TNRC6B: variants seen among roughly 807,000 people sequenced by gnomAD.
The protein encoded by TNRC6B is trinucleotide repeat-containing gene 6B protein.
TNRC6B carries 52 observed loss-of-function variants against 203.6 expected under a neutral mutation model. The observed-to-expected ratio is 0.26, with a 90% CI of 0.20 to 0.32. The LOEUF is 0.32. Ranked by LOEUF, TNRC6B falls within the 10% of genes least tolerant of loss-of-function variation. TNRC6B has a pLI of 1.00. For missense variants in TNRC6B, 1,923 were observed against 2,286.2 expected, an observed-to-expected ratio of 0.84 and a Z score of 3.24; for synonymous variants, 838 against 845.7, an observed-to-expected ratio of 0.99 and a Z score of 0.16.
rs1042301822 is a variant in TNRC6B at position 40,324,672 on chromosome 22, G to A, written c.*1431G>A. On this transcript the variant is annotated 3_prime_UTR_variant, in exon 23 of 23. Transcript: ENST00000454349. The stretch of plus-strand genomic sequence containing the variant: ...TCACTGACAGAAACGTTTACTTAAC[G>A]AATGTTCTTAAACCAGTGTGTACTT... 3 of 152,742 alleles carry A rather than the reference G, an allele frequency of 2.0e-5. No individual in the cohort carries two copies. Among genetic ancestry groups the A allele is most frequent in the Non-Finnish European group, 1.5e-5 (1 of 68,036 alleles). 9.5% of individuals were successfully genotyped at this position (152,742 alleles called of 1,614,324 possible).
intron 3 of TNRC6B, among the ~76,000 whole-genome samples, chr22:40,129,268 T>C (rs2068520966): frequency 6.6e-6 from 1 of 152,156 alleles, no homozygotes; most frequent in Non-Finnish European, 1.5e-5. Context: ...TCTCCATGCC[T>C]AGGGCAGCCA....
intron 4 of TNRC6B, among the ~76,000 whole-genome samples, chr22:40,157,352 AT>A (rs901187410): frequency 1.2e-4 from 19 of 152,082 alleles, no homozygotes; most frequent in Non-Finnish European, 2.1e-4. Context: ...TCTCATTCAT[AT>A]TTTTTTTCCT....
chr22:40,241,555 AT>A (rs2070029072), intron 1 of TNRC6B, among the ~76,000 whole-genome samples: 1 of 152,200 alleles, frequency 6.6e-6, no homozygotes, highest in African/African-American at 2.4e-5. Context: ...CTTTGATGGT[AT>A]TCAGGTTAAA....
intron 1 of TNRC6B, among the ~76,000 whole-genome samples, chr22:40,183,920 C>T (rs960303275): frequency 2.0e-5 from 3 of 152,160 alleles, no homozygotes; most frequent in African/African-American, 7.2e-5. Flanking sequence ...TGATCTCGAA[C>T]TCCTGACCTT....
At position 40,157,609 on chromosome 22, in the gene TNRC6B, C is replaced by T. The variant is rs540825239; in HGVS notation, c.113+1427C>T. Among the ~76,000 whole-genome samples, 31 of 152,300 alleles carry T rather than the reference C, an allele frequency of 2.0e-4. No individual in the cohort carries two copies. In the East Asian group the frequency reaches 5.2e-3, roughly 26 times the overall value. ...TGCTGTATTCTATCAAATGCACTTACATTTTGCATGGGCTGATGGAATCAA... is the reference window on the plus strand; with the variant it reads ...TGCTGTATTCTATCAAATGCACTTATATTTTGCATGGGCTGATGGAATCAA... On this transcript the variant is annotated intron_variant, in intron 4 of 23. Transcript: ENST00000301923.
intron 3 of TNRC6B, among the ~76,000 whole-genome samples, chr22:40,144,546 G>T (rs944347347): frequency 3.7e-4 from 56 of 151,988 alleles, no homozygotes; most frequent in Non-Finnish European, 8.1e-4. Flanking sequence ...GTGGTGGCGG[G>T]CACCTGTAGT....
chr22:40,197,900 C>T (rs1315349385), intron 1 of TNRC6B, among the ~76,000 whole-genome samples: 1 of 152,060 alleles, frequency 6.6e-6, no homozygotes, highest in African/African-American at 2.4e-5. Context: ...ACATGAGCCA[C>T]CATGCCTGGC....
chr22:40,308,703 A>G, intron 16 of TNRC6B, 54 bp downstream of exon 16: 1 of 1,548,982 alleles, frequency 6.5e-7, no homozygotes, highest in South Asian at 1.2e-5. Context: ...TCTTGATGAA[A>G]CATCTTATAA....
chr22:40,261,192 G>A (rs938850075), intron 3 of TNRC6B, among the ~76,000 whole-genome samples: 1 of 152,104 alleles, frequency 6.6e-6, no homozygotes, highest in Non-Finnish European at 1.5e-5. Context: ...AGGCTGAGGT[G>A]GGAGGATCAC....
chr22:40,248,678 A>G (rs968524139), intron 2 of TNRC6B, among the ~76,000 whole-genome samples: 12 of 152,202 alleles, frequency 7.9e-5, no homozygotes, highest in African/African-American at 2.4e-4. Flanking sequence ...AGTCTCTCCT[A>G]TGTGCCTTCA....
At chr22:40,118,112 T>A (rs1192335754) in intron 2 of TNRC6B, among the ~76,000 whole-genome samples, 4 of 152,178 alleles carry the variant, frequency 2.6e-5, no homozygotes, top group Non-Finnish European at 1.5e-5. Context: ...CAGGGTAGGA[T>A]GATAAATTGA....
In TNRC6B at chr22:40,331,973, A is replaced by G. The variant is rs543103110; in HGVS notation, c.*8732A>G. The G allele has an allele frequency of 2.5e-5, 6 of 236,660 alleles. No homozygotes were observed. Among genetic ancestry groups the G allele is most frequent in the Non-Finnish European group, 3.3e-5 (4 of 122,834 alleles). The allele number at this position is 236,660 out of a possible 1,614,324, so 14.7% of individuals were successfully genotyped here. A position where few individuals can be genotyped will look rare whatever the true frequency, so the allele number is the denominator to read the frequency against. ...GGGGGCCTGCAGTTCCTGTCAACCA[A>G]TGTGGTTCAGGATTCTTGATCCTAG... On this transcript the variant is annotated 3_prime_UTR_variant, in exon 23 of 23. Transcript: ENST00000454349.
At chr22:40,256,714 G>A (rs943423305) in intron 3 of TNRC6B, among the ~76,000 whole-genome samples, 2 of 152,086 alleles carry the variant, frequency 1.3e-5, no homozygotes, top group African/African-American at 4.8e-5. Context: ...TTTACTATCT[G>A]GCCCTTTACA....
At chr22:40,144,599 G>A (rs571541549) in intron 3 of TNRC6B, among the ~76,000 whole-genome samples, 13 of 150,138 alleles carry the variant, frequency 8.7e-5, no homozygotes, top group East Asian at 5.9e-4. Context: ...GGCGTGAACC[G>A]AGGAGGCAGA....
At chr22:40,293,004 G>C (rs1232050165) in intron 12 of TNRC6B, among the ~76,000 whole-genome samples, 1 of 151,866 alleles carries the variant, frequency 6.6e-6, no homozygotes. Flanking sequence ...CTTTTGTTGT[G>C]CTATTTTTAC....
chr22:40,054,486 C>T (rs2067776752), intron 1 of TNRC6B, among the ~76,000 whole-genome samples: 1 of 152,180 alleles, frequency 6.6e-6, no homozygotes, highest in South Asian at 2.1e-4. Flanking sequence ...CCTCTTCAAT[C>T]CTGAGCTCAG....
chr22:40,177,954 GGGAGA>G lies in TNRC6B; in HGVS notation c.-180_-176del. The G allele has an allele frequency of 2.8e-6, 4 of 1,420,524 alleles. No homozygotes were observed. Among genetic ancestry groups the G allele is most frequent in the Non-Finnish European group, 3.7e-6 (4 of 1,092,540 alleles). The allele number at this position is 1,420,524 out of a possible 1,614,324, so 88.0% of individuals were successfully genotyped here. A position where few individuals can be genotyped will look rare whatever the true frequency, so the allele number is the denominator to read the frequency against. ...ACAGAGAGGGAGAGAGAGAGCAAGA[GGGAGA>G]GTGTGTGAGAGAGAGTTAGTTCAAG... is the stretch of plus-strand genomic sequence containing the variant. On this transcript the variant is annotated 5_prime_UTR_variant, in exon 1 of 23. Coordinates refer to ENST00000454349, the MANE Select transcript of TNRC6B (RefSeq NM_001162501.2).
chr22:40,109,452 C>G (rs1027372264), intron 1 of TNRC6B, among the ~76,000 whole-genome samples: 6 of 152,158 alleles, frequency 3.9e-5, no homozygotes, highest in African/African-American at 1.4e-4. Flanking sequence ...TCTGTTGTTT[C>G]TTGACTTTTT....
intron 1 of TNRC6B, among the ~76,000 whole-genome samples, chr22:40,075,042 G>C (rs2067994084): frequency 6.7e-6 from 1 of 149,610 alleles, no homozygotes; most frequent in East Asian, 2.0e-4. Flanking sequence ...TTTGTGAATA[G>C]TTCTATGTGT....
Sources: gnomAD v4.1 joint callset for allele counts (sites outside exome capture counted in the v4.1 genomes callset) on GRCh38, gnomAD v4.1.1 for gene constraint, MANE v1.5 for transcripts, NCBI Gene and HGNC (gene_info 2026-07-23, HGNC 2026-07-21) for gene names.